The following TACC1 variants were observed in gnomAD, a reference collection of about 807,000 sequenced individuals.
The protein encoded by TACC1 is transforming acidic coiled-coil containing protein 1, also known as transforming acidic coiled-coil-containing protein 1.
In TACC1, 48 loss-of-function variants were observed where a neutral mutation model predicts 84.4. That is an observed-to-expected ratio of 0.57 (90% confidence interval 0.45 to 0.72). TACC1 has a LOEUF of 0.72. Ranked by LOEUF, TACC1 falls within the 30% of genes least tolerant of loss-of-function variation. The pLI, the probability that TACC1 is intolerant of heterozygous loss-of-function variation, is 0.00. For missense variants in TACC1, 920 were observed against 973.0 expected, an observed-to-expected ratio of 0.95 and a Z score of 0.72; for synonymous variants, 372 against 376.3, an observed-to-expected ratio of 0.99 and a Z score of 0.13.
intron 2 of TACC1, among the ~76,000 whole-genome samples, chr8:38,815,983 A>G (rs1825357254): frequency 6.6e-6 from 1 of 151,796 alleles, no homozygotes; most frequent in Admixed American, 6.6e-5. Context: ...AAAAAAGAAT[A>G]AAATTTATTT....
intron 2 of TACC1, among the ~76,000 whole-genome samples, chr8:38,794,960 T>C (rs533001984): frequency 6.6e-6 from 1 of 152,362 alleles, no homozygotes; most frequent in South Asian, 2.1e-4. Flanking sequence ...TTTTTTGTAC[T>C]GTATAATTCC....
intron 1 of TACC1, among the ~76,000 whole-genome samples, chr8:38,731,090 G>A (rs1222766139): frequency 1.3e-5 from 2 of 152,038 alleles, no homozygotes; most frequent in African/African-American, 4.8e-5. Flanking sequence ...ACTATGCCTG[G>A]CTATTTTTTT....
chr8:38,774,416 GGAATGAAT>G (rs10599906), intron 3 of TACC1, among the ~76,000 whole-genome samples: 17 of 151,502 alleles, frequency 1.1e-4, no homozygotes, highest in African/African-American at 1.7e-4. Context: ...TCAAATTTGT[GGAATGAAT>G]GAATGAATGA....
intron 9 of TACC1, among the ~76,000 whole-genome samples, chr8:38,840,861 C>T (rs1441847088): frequency 1.3e-5 from 2 of 152,004 alleles, no homozygotes; most frequent in Admixed American, 1.3e-4. Flanking sequence ...AACAGCCTGA[C>T]CAACATGGAG....
chr8:38,753,905 T>TTTTC (rs9298641), intron 3 of TACC1, among the ~76,000 whole-genome samples: 26,940 of 124,520 alleles, frequency 0.22, 4,057 homozygotes, highest in African/African-American at 0.24. Context: ...CTCTTTTTCT[T>TTTTC]TTTCTTTCTT....
Position 38,849,732 on chromosome 8 carries a change from G to A in TACC1, c.*1709G>A, listed in dbSNP as rs955468771. ...ATTGGTGCTTAGGCTGTATATTCAA[G>A]CCTGTTGTCTTAACATTTTGTATAA... is the stretch of plus-strand genomic sequence containing the variant. On this transcript the variant is annotated 3_prime_UTR_variant, in exon 13 of 13. Coordinates refer to ENST00000317827, the MANE Select transcript of TACC1 (RefSeq NM_006283.3). 6.6e-6 allele frequency: 1 copy of A among 152,602 alleles called. No homozygotes were observed. The highest frequency in any genetic ancestry group is 1.5e-5 in the Non-Finnish European group (1 of 68,040). 9.5% of individuals were successfully genotyped at this position (152,602 alleles called of 1,614,324 possible).
intron 3 of TACC1, among the ~76,000 whole-genome samples, chr8:38,762,754 G>C (rs62505795): frequency 0.19 from 29,309 of 151,920 alleles, 3,149 homozygotes; most frequent in Non-Finnish European, 0.25. Context: ...TCAAAGTTTT[G>C]CCATGTTGGC....
chr8:38,792,894 C>A (rs953613318), intron 2 of TACC1, among the ~76,000 whole-genome samples: 1 of 152,162 alleles, frequency 6.6e-6, no homozygotes, highest in South Asian at 2.1e-4. Context: ...GCTACCATGC[C>A]TGGCTTTTGT....
Position 38,802,521 on chromosome 8 carries a change from G to A in TACC1, c.277+13702G>A, listed in dbSNP as rs905593403. Among the ~76,000 whole-genome samples, 4 of 152,202 alleles carry A rather than the reference G, an allele frequency of 2.6e-5. No individual in the cohort carries two copies. The South Asian group carries it at 6.2e-4, about 24-fold the overall frequency. Reference sequence around the variant, plus strand: ...CCATACCCCTACCTCCCATCTCCCCGGTCCATGGAAAAATTGTCTTCCATG... The same window carrying A: ...CCATACCCCTACCTCCCATCTCCCCAGTCCATGGAAAAATTGTCTTCCATG... On this transcript the variant is annotated intron_variant, in intron 2 of 12. Coordinates refer to ENST00000317827, the MANE Select transcript of TACC1 (RefSeq NM_006283.3).
At chr8:38,789,201 AT>A (rs753550201) in intron 2 of TACC1, among the ~76,000 whole-genome samples, 3 of 152,160 alleles carry the variant, frequency 2.0e-5, no homozygotes, top group Non-Finnish European at 4.4e-5. Flanking sequence ...ACTTGACTTA[AT>A]TTTTGATAGG....
At chr8:38,802,563 C>G (rs561799066) in intron 2 of TACC1, among the ~76,000 whole-genome samples, 1 of 152,274 alleles carries the variant, frequency 6.6e-6, no homozygotes, top group East Asian at 1.9e-4. Flanking sequence ...GTCCCTGGTG[C>G]CAAAAAGGTT....
At chr8:38,802,204 C>T (rs1320544030) in intron 2 of TACC1, 1 of 152,318 alleles carries the variant, frequency 6.6e-6, no homozygotes, top group East Asian at 1.9e-4. Flanking sequence ...GCCACTGCTC[C>T]TGGCCTTGCA....
In TACC1 at chr8:38,842,305, G is replaced by A. The variant is rs1441123789; in HGVS notation, c.1979G>A (p.Ser660Asn). The part of the protein sequence containing the change: ...AQMIEDEQRT[S>N]MTSQKSFQQL... ...TTCCCAGAAGATGAACAAAGGACAAGTATGACCTCTCAGAAGAGCTTCCAG... is the reference window on the plus strand; with the variant it reads ...TTCCCAGAAGATGAACAAAGGACAAATATGACCTCTCAGAAGAGCTTCCAG... The change falls in exon 10 of 13, where the codon AGT (serine) becomes AAT (asparagine). Residue 660 changes from serine (S) to asparagine (N), a missense_variant. Coordinates refer to ENST00000317827, the MANE Select transcript of TACC1 (RefSeq NM_006283.3). The A allele has an allele frequency of 6.2e-7, 1 of 1,612,980 alleles. No homozygotes were observed. Among genetic ancestry groups the A allele is most frequent in the East Asian group, 2.2e-5 (1 of 44,888 alleles).
chr8:38,838,487 T>A lies in TACC1; in HGVS notation c.1857T>A (p.Ile619=), dbSNP rs763063897. Residue 619 remains isoleucine (I), a synonymous_variant, in exon 8 of 13, where the codon ATT becomes ATA. Transcript: ENST00000317827. ...TACTCTAGATAATTACTAAAGAGAT[T>A]GAAGCAAATGAATGGAAGAAGAAAT... ...LIREEIITKE[I]EANEWKKKYE... 2 of 1,613,628 alleles carry A rather than the reference T, an allele frequency of 1.2e-6. No homozygotes were observed.
intron 2 of TACC1, among the ~76,000 whole-genome samples, chr8:38,790,235 G>A (rs1818322133): frequency 6.6e-6 from 1 of 152,088 alleles, no homozygotes; most frequent in South Asian, 2.1e-4. Flanking sequence ...CTGTCTTACC[G>A]TGCCCTTCCT....
intron 11 of TACC1, among the ~76,000 whole-genome samples, chr8:38,845,643 T>G (rs1832083850): frequency 6.6e-6 from 1 of 152,230 alleles, no homozygotes; most frequent in African/African-American, 2.4e-5. Flanking sequence ...ACATTGAAGG[T>G]AACACTACAG....
At chr8:38,812,302 C>A (rs1482812954) in intron 2 of TACC1, among the ~76,000 whole-genome samples, 2 of 152,136 alleles carry the variant, frequency 1.3e-5, no homozygotes, top group Admixed American at 6.5e-5. Flanking sequence ...CCTGTTCGTA[C>A]ACCCCCTCCC....
intron 3 of TACC1, among the ~76,000 whole-genome samples, chr8:38,769,663 GAGAC>G (rs1412679675): frequency 7.0e-6 from 1 of 143,548 alleles, no homozygotes; most frequent in Non-Finnish European, 1.5e-5. Flanking sequence ...GTGTGAGAGA[GAGAC>G]TGGGTATGGG....
chr8:38,813,076 T>G (rs1043251153), intron 2 of TACC1, among the ~76,000 whole-genome samples: 1 of 152,222 alleles, frequency 6.6e-6, no homozygotes, highest in Non-Finnish European at 1.5e-5. Context: ...TGATCCAAAT[T>G]TTTTCCCTTT....
Sources: allele counts gnomAD v4.1 joint callset (sites outside exome capture counted in the v4.1 genomes callset), GRCh38; gene constraint gnomAD v4.1.1; transcripts MANE v1.5; gene names NCBI Gene and HGNC (gene_info 2026-07-23, HGNC 2026-07-21).